DGKZ: variants seen among roughly 807,000 people sequenced by gnomAD.
DGKZ encodes diacylglycerol kinase zeta.
DGKZ carries 45 observed loss-of-function variants against 142.5 expected under a neutral mutation model. The observed-to-expected ratio is 0.32, with a 90% CI of 0.25 to 0.40. The LOEUF is 0.40. DGKZ is among the 10% of genes least tolerant of loss of function. DGKZ has a pLI of 1.00. For missense variants in DGKZ, 755 were observed against 1,306.5 expected (o/e 0.58, Z 6.51); for synonymous variants, 442 against 527.0 (o/e 0.84, Z 2.21).
chr11:46,350,976 A>G (rs571876343), intron 1 of DGKZ, among the ~76,000 whole-genome samples: 1 of 150,720 alleles, frequency 6.6e-6, no homozygotes, highest in East Asian at 2.0e-4. Flanking sequence ...GAGGAGGAGG[A>G]GGAGGAGAGG....
chr11:46,349,509 A>G (rs1259904955), intron 1 of DGKZ, among the ~76,000 whole-genome samples: 1 of 152,170 alleles, frequency 6.6e-6, no homozygotes, highest in East Asian at 1.9e-4. Context: ...AGATACCTTT[A>G]TGTAATTCTC....
chr11:46,350,040 T>C (rs903133006), intron 1 of DGKZ, among the ~76,000 whole-genome samples: 1 of 152,202 alleles, frequency 6.6e-6, no homozygotes, highest in African/African-American at 2.4e-5. Flanking sequence ...TCTTATAGGA[T>C]GCCTGATGAG....
chr11:46,333,267 G>T (rs959769301), exon 1 of DGKZ: 32 of 1,249,762 alleles, frequency 2.6e-5, no homozygotes, highest in Non-Finnish European at 3.0e-5. Context: ...GGCGGAAGGC[G>T]GCCGCACGAT....
rs534357697 is a variant in DGKZ at position 46,366,320 on chromosome 11, C to G, written c.162-971C>G. On this transcript the variant is annotated intron_variant, in intron 1 of 30. Transcript: ENST00000527911. ...GCCAGGCCCTGGAGAGGGGCAGCAG[C>G]GGCCCAGCAGCGTGGGGCTGCCCAC... The G allele has an allele frequency of 2.5e-6, 4 of 1,572,426 alleles. No homozygotes were observed. In the African/African-American group the frequency reaches 5.5e-5, roughly 21 times the overall value.
At chr11:46,365,386 T>G in intron 1 of DGKZ, 1 of 985,386 alleles carries the variant, frequency 1.0e-6, no homozygotes, top group Non-Finnish European at 1.2e-6. Flanking sequence ...GACAGAGCAG[T>G]CGAGCACCAG....
At chr11:46,336,383 G>A (rs1940017798) in intron 1 of DGKZ, among the ~76,000 whole-genome samples, 1 of 152,094 alleles carries the variant, frequency 6.6e-6, no homozygotes, top group African/African-American at 2.4e-5. Flanking sequence ...ACTTCAATGG[G>A]GTATGTCCTT....
At chr11:46,366,031 CT>C in intron 1 of DGKZ, 1 of 985,352 alleles carries the variant, frequency 1.0e-6, no homozygotes, top group Non-Finnish European at 1.2e-6. Context: ...GTGGGCTCCC[CT>C]GAGCACCCCT....
intron 9 of DGKZ, 74 bp from the exon 10 acceptor site, chr11:46,372,000 CA>C (rs992516742): frequency 3.5e-6 from 5 of 1,427,690 alleles, no homozygotes; most frequent in Admixed American, 3.9e-5. Context: ...CAAAGTCACC[CA>C]GGGGGCCTGC....
intron 1 of DGKZ, among the ~76,000 whole-genome samples, chr11:46,352,532 A>G (rs971232237): frequency 6.6e-6 from 1 of 152,018 alleles, no homozygotes; most frequent in African/African-American, 2.4e-5. Flanking sequence ...GCCTTGACTC[A>G]GCCAAGTTCT....
intron 1 of DGKZ, among the ~76,000 whole-genome samples, chr11:46,355,015 C>T (rs1051776876): frequency 6.6e-6 from 1 of 152,256 alleles, no homozygotes; most frequent in Non-Finnish European, 1.5e-5. Context: ...CCAGTGCTTG[C>T]TCACAGGGTC....
chr11:46,378,276 C>T (rs867591373), intron 26 of DGKZ, 47 bp downstream of exon 26: 3 of 1,580,980 alleles, frequency 1.9e-6, no homozygotes, highest in Non-Finnish European at 2.6e-6. Flanking sequence ...TGGTTGGGGG[C>T]AGGAGGCTCA....
At chr11:46,376,639 TG>T in intron 24 of DGKZ, 75 bp downstream of exon 24, 1 of 1,581,506 alleles carries the variant, frequency 6.3e-7, no homozygotes. Flanking sequence ...ACGCCTTCCC[TG>T]TTAGCTCCCC....
intron 7 of DGKZ, 34 bp from the exon 8 acceptor site, chr11:46,371,453 G>A (rs199541782): frequency 2.6e-4 from 418 of 1,604,348 alleles, no homozygotes; most frequent in East Asian, 1.6e-3. Context: ...GTCTGAACAC[G>A]GTCCCGCTGA....
chr11:46,376,577 A>T lies in DGKZ; in HGVS notation c.2202+13A>T, dbSNP rs757049886. 6.2e-7 allele frequency: 1 copy of T among 1,613,220 alleles called. No homozygotes were observed. Among genetic ancestry groups the T allele is most frequent in the Non-Finnish European group, 8.5e-7 (1 of 1,179,998 alleles). ...CGACCGAGCCCAGGTGAGCGATTGC[A>T]GGCCTGCTCCAGCCACAGCTGCTTC... On this transcript the variant is annotated intron_variant, in intron 24 of 30. Transcript: ENST00000527911.
intron 25 of DGKZ, chr11:46,377,575 CA>C: frequency 3.2e-6 from 1 of 308,872 alleles, no homozygotes; most frequent in South Asian, 6.3e-5. Flanking sequence ...CTCGAACCCC[CA>C]TCTCCATACC....
intron 26 of DGKZ, 90 bp downstream of exon 26, chr11:46,378,319 A>G: frequency 5.8e-6 from 9 of 1,543,362 alleles, no homozygotes; most frequent in Non-Finnish European, 7.9e-6. Flanking sequence ...ACACAGCCTT[A>G]CACAAACACA....
intron 1 of DGKZ, chr11:46,366,366 C>CCCCCGCTGGGCAGGCCTCCT: frequency 6.6e-7 from 1 of 1,522,318 alleles, no homozygotes; most frequent in Non-Finnish European, 8.8e-7. Flanking sequence ...CGGCGTCGCT[C>CCCCCGCTGGGCAGGCCTCCT]CCCCGCTGGG....
At position 46,367,016 on chromosome 11, in the gene DGKZ, G is replaced by A. The variant is rs991941214; in HGVS notation, c.162-275G>A. The A allele has an allele frequency of 1.3e-6, 2 of 1,486,736 alleles. No individual in the cohort carries two copies. Among genetic ancestry groups the A allele is most frequent in the Non-Finnish European group, 1.8e-6 (2 of 1,124,682 alleles). The allele number at this position is 1,486,736 out of a possible 1,614,324, so 92.1% of individuals were successfully genotyped here. On this transcript the variant is annotated intron_variant, in intron 1 of 30. Coordinates refer to ENST00000527911, the Ensembl canonical transcript of DGKZ. The surrounding 1 kb of genome is among the most constrained non-coding windows in gnomAD (Gnocchi z 4.1). ...ATAGCTGTGGCCAGCAGGGCGAGTGGTGTGACCTCCTGTGGGTCTGGCCTG... is the reference window on the plus strand; with the variant it reads ...ATAGCTGTGGCCAGCAGGGCGAGTGATGTGACCTCCTGTGGGTCTGGCCTG...
intron 17 of DGKZ, 31 bp downstream of exon 17, chr11:46,374,697 G>A (rs779276558): frequency 6.8e-6 from 11 of 1,607,552 alleles, no homozygotes; most frequent in African/African-American, 2.7e-5. Context: ...GTGGGTGGGT[G>A]GGCCGGAAGG....
Sources: allele counts gnomAD v4.1 joint callset (sites outside exome capture counted in the v4.1 genomes callset), GRCh38; gene constraint gnomAD v4.1.1; non-coding constraint Gnocchi (gnomAD v3.1); transcripts MANE v1.5; gene names NCBI Gene and HGNC (gene_info 2026-07-23, HGNC 2026-07-21).